Variants in CS observed in about 807,000 individuals in gnomAD.
CS encodes citrate synthase, also known as citrate synthase, mitochondrial.
Under a neutral mutation model 61.4 loss-of-function variants are expected in CS, and 13 were observed. The observed-to-expected ratio is 0.21, with a 90% CI of 0.14 to 0.34. The LOEUF (loss-of-function observed/expected upper bound fraction) is 0.34, where lower values mean the gene tolerates loss of function less well. CS is among the 10% of genes least tolerant of loss of function. CS has a pLI of 1.00. For synonymous variants in CS, 159 were observed against 215.2 expected, an observed-to-expected ratio of 0.74 and a Z score of 2.29; for missense variants, 278 against 573.4, an observed-to-expected ratio of 0.48 and a Z score of 5.26.
At chr12:56,287,532 A>G (rs927893440) in intron 1 of CS, among the ~76,000 whole-genome samples, 2 of 142,974 alleles carry the variant, frequency 1.4e-5, no homozygotes, top group African/African-American at 5.0e-5. Flanking sequence ...AAAATAGTTT[A>G]GCTAGTTTAT....
At chr12:56,288,794 G>A (rs955363651) in intron 1 of CS, among the ~76,000 whole-genome samples, 1 of 148,722 alleles carries the variant, frequency 6.7e-6, no homozygotes, top group Non-Finnish European at 1.5e-5. Context: ...GATTACAGGC[G>A]CACATCACCA....
chr12:56,273,422 T>C (rs1460451419), intron 10 of CS, 165 bp downstream of exon 10: 1 of 986,880 alleles, frequency 1.0e-6, no homozygotes, highest in Non-Finnish European at 1.5e-6. Flanking sequence ...ATTGGGATTC[T>C]GAAAACAGAG....
intron 1 of CS, among the ~76,000 whole-genome samples, chr12:56,289,660 T>C (rs1438464787): frequency 1.3e-5 from 2 of 151,882 alleles, no homozygotes; most frequent in African/African-American, 4.8e-5. Flanking sequence ...GCCAGGATGG[T>C]CTCGATCTCC....
At chr12:56,299,569 T>G in intron 1 of CS, among the ~76,000 whole-genome samples, 1 of 152,144 alleles carries the variant, frequency 6.6e-6, no homozygotes, top group East Asian at 1.9e-4. Flanking sequence ...CCCAAGCTCC[T>G]CCTATATAAA....
At chr12:56,278,358 C>T (rs1284756638) in intron 6 of CS, among the ~76,000 whole-genome samples, 2 of 152,108 alleles carry the variant, frequency 1.3e-5, no homozygotes, top group Admixed American at 1.3e-4. Context: ...AAACTCCTGA[C>T]CTCAGGTTAT....
At chr12:56,275,943 A>G in intron 7 of CS, 53 bp downstream of exon 7, 3 of 1,537,908 alleles carry the variant, frequency 2.0e-6, no homozygotes, top group Non-Finnish European at 2.7e-6. Context: ...CTTTTAAAAA[A>G]ATTTCCCACC....
At chr12:56,282,683 C>A in intron 5 of CS, 75 bp from the exon 6 acceptor site, 1 of 1,532,792 alleles carries the variant, frequency 6.5e-7, no homozygotes, top group Non-Finnish European at 8.8e-7. Flanking sequence ...ACAGCAACAT[C>A]TGAGTAAAGA....
chr12:56,290,379 T>C (rs1873080802), intron 1 of CS, among the ~76,000 whole-genome samples: 1 of 151,950 alleles, frequency 6.6e-6, no homozygotes, highest in African/African-American at 2.4e-5. Flanking sequence ...ACCCGGCTAA[T>C]TTTTTGTATT....
intron 1 of CS, among the ~76,000 whole-genome samples, chr12:56,295,212 C>T (rs538699550): frequency 4.6e-5 from 7 of 152,068 alleles, no homozygotes; most frequent in South Asian, 2.1e-4. Flanking sequence ...TAGACATAAG[C>T]CATCATGCCT....
chr12:56,293,110 A>G (rs1349746481), intron 1 of CS, among the ~76,000 whole-genome samples: 2 of 152,100 alleles, frequency 1.3e-5, no homozygotes, highest in African/African-American at 2.4e-5. Context: ...TGTCTCAAAA[A>G]ACAAAACAAA....
chr12:56,291,692 T>C (rs1027913543), intron 1 of CS: 3 of 152,240 alleles, frequency 2.0e-5, no homozygotes, highest in African/African-American at 7.2e-5. Context: ...GGTGTGACAG[T>C]TGGGCTTTTG....
At chr12:56,274,271 A>C (rs535256133) in intron 9 of CS, 3 of 167,688 alleles carry the variant, frequency 1.8e-5, no homozygotes, top group Admixed American at 1.8e-4. Flanking sequence ...CAGTGAACTG[A>C]GGTTGCGCCA....
At chr12:56,298,947 T>A (rs936668117) in intron 1 of CS, among the ~76,000 whole-genome samples, 2 of 151,032 alleles carry the variant, frequency 1.3e-5, no homozygotes, top group Non-Finnish European at 2.9e-5. Flanking sequence ...GAAGCTGAAG[T>A]GGGAGGATTG....
At chr12:56,278,447 T>G (rs1387941250) in intron 6 of CS, among the ~76,000 whole-genome samples, 1 of 152,194 alleles carries the variant, frequency 6.6e-6, no homozygotes, top group African/African-American at 2.4e-5. Flanking sequence ...TTTTAAAAAG[T>G]TGATAAACAG....
At position 56,300,316 on chromosome 12, in the gene CS, G is replaced by C; in HGVS notation, c.-115C>G. The C allele has an allele frequency of 1.7e-6, 2 of 1,175,274 alleles. No individual in the cohort carries two copies. The highest frequency in any genetic ancestry group is 2.4e-6 in the Non-Finnish European group (2 of 836,198). 72.8% of individuals were successfully genotyped at this position (1,175,274 alleles called of 1,614,324 possible). ...CGCCGACGGGTTGACAAGGTTGAAA[G>C]GAGGCGGCTGAAGGAAAGAGTAGAC... On this transcript the variant is annotated 5_prime_UTR_variant, in exon 1 of 11. Transcript: ENST00000351328.
intron 1 of CS, among the ~76,000 whole-genome samples, chr12:56,290,785 T>G (rs1249299004): frequency 6.6e-6 from 1 of 152,202 alleles, no homozygotes; most frequent in African/African-American, 2.4e-5. Context: ...AATGAACTAC[T>G]ATTTCTCTTC....
intron 6 of CS, 43 bp from the exon 7 acceptor site, chr12:56,276,238 C>T (rs1251656350): frequency 1.3e-5 from 20 of 1,592,224 alleles, no homozygotes; most frequent in Non-Finnish European, 1.6e-5. Flanking sequence ...AAGGAATTAT[C>T]AGCAAAGAAG....
intron 1 of CS, among the ~76,000 whole-genome samples, chr12:56,287,324 CA>C (rs1232958166): frequency 6.6e-6 from 1 of 151,686 alleles, no homozygotes; most frequent in Non-Finnish European, 1.5e-5. Flanking sequence ...ACTAAAAATA[CA>C]AAAATTAGCC....
chr12:56,282,944 T>A lies in CS; in HGVS notation c.315A>T (p.Leu105=). 1 of 1,614,150 alleles carries A rather than the reference T, an allele frequency of 6.2e-7. No individual in the cohort carries two copies. Among genetic ancestry groups the A allele is most frequent in the Non-Finnish European group, 8.5e-7 (1 of 1,180,030 alleles). The change falls in exon 5 of 11, where the codon CTA becomes CTT. Residue 105 remains leucine (L), a synonymous_variant. Coordinates refer to ENST00000351328, the MANE Select transcript of CS (RefSeq NM_004077.3). ...GFSIPECQKL[L]PKAKGGEEPL... is the part of the protein sequence containing the mutation. ...GTTCTTCCCCACCCTTAGCCTTGGG[T>A]AGCAGTTTCTGGCATTCAGGGATAC...
Sources: allele counts gnomAD v4.1 joint callset (sites outside exome capture counted in the v4.1 genomes callset), GRCh38; gene constraint gnomAD v4.1.1; transcripts MANE v1.5; gene names NCBI Gene and HGNC (gene_info 2026-07-23, HGNC 2026-07-21).